Variants in KIF21A observed in about 807,000 individuals in gnomAD.
The protein encoded by KIF21A is kinesin family member 21A.
Under a neutral mutation model 202.9 loss-of-function variants are expected in KIF21A, and 114 were observed. That is an observed-to-expected ratio of 0.56 (90% CI 0.48 to 0.66). The LOEUF is 0.66. Ranked by LOEUF, KIF21A falls within the 30% of genes least tolerant of loss-of-function variation. The probability of loss-of-function intolerance (pLI) is 0.00; values close to 1 mark genes in which losing one functional copy is unlikely to be tolerated. For missense variants in KIF21A, 1,677 were observed against 1,994.9 expected, an observed-to-expected ratio of 0.84 and a Z score of 3.04; for synonymous variants, 667 against 670.8, an observed-to-expected ratio of 0.99 and a Z score of 0.09.
intron 37 of KIF21A, among the ~76,000 whole-genome samples, chr12:39,298,758 C>T (rs1216230691): frequency 6.6e-6 from 1 of 151,982 alleles, no homozygotes; most frequent in Non-Finnish European, 1.5e-5. Context: ...ACATGAAAAG[C>T]AGCAGAAGAA....
At chr12:39,324,763 C>T (rs1278499549) in intron 26 of KIF21A, among the ~76,000 whole-genome samples, 1 of 152,126 alleles carries the variant, frequency 6.6e-6, no homozygotes, top group Non-Finnish European at 1.5e-5. Context: ...AATGATGAAC[C>T]GTTCATTGTA....
At chr12:39,357,587 T>G (rs1274643353) in intron 8 of KIF21A, 150 bp from the exon 9 acceptor site, 1 of 699,044 alleles carries the variant, frequency 1.4e-6, no homozygotes, top group Admixed American at 2.1e-5. Flanking sequence ...TCACCTCTAG[T>G]AGAACACTCC....
chr12:39,405,061 A>C (rs1322198142), intron 1 of KIF21A, among the ~76,000 whole-genome samples: 1 of 152,176 alleles, frequency 6.6e-6, no homozygotes, highest in Non-Finnish European at 1.5e-5. Context: ...TGTGGTAAAA[A>C]TATACTTGAA....
In KIF21A at chr12:39,294,072, G is replaced by A. The variant is rs1177373972; in HGVS notation, c.*352C>T. On this transcript the variant is annotated 3_prime_UTR_variant, in exon 38 of 38. Coordinates refer to ENST00000361418, the MANE Select transcript of KIF21A (RefSeq NM_001173464.2). The stretch of plus-strand genomic sequence containing the variant: ...TACATGAATGAGTTAATGGTGGGCT[G>A]CATCGTATTCCAGGTGTGTTTTCTG... 1 of 241,214 alleles carries A rather than the reference G, an allele frequency of 4.1e-6. No individual in the cohort carries two copies. The highest frequency in any genetic ancestry group is 2.3e-5 in the African/African-American group (1 of 43,366). The allele number at this position is 241,214 out of a possible 1,614,324, so 14.9% of individuals were successfully genotyped here.
intron 1 of KIF21A, among the ~76,000 whole-genome samples, chr12:39,380,498 T>A (rs1950546418): frequency 6.6e-6 from 1 of 152,182 alleles, no homozygotes; most frequent in Non-Finnish European, 1.5e-5. Flanking sequence ...TGTTGGTCAA[T>A]CGAATGACTT....
chr12:39,294,529 T>C lies in KIF21A; in HGVS notation c.4932-12A>G, dbSNP rs1377145624. 2.5e-6 allele frequency: 4 copies of C among 1,594,882 alleles called. No homozygotes were observed. Among genetic ancestry groups the C allele is most frequent in the African/African-American group, 1.3e-5 (1 of 74,520 alleles). On this transcript the variant is annotated splice_polypyrimidine_tract_variant and intron_variant, in intron 37 of 37. Coordinates refer to ENST00000361418, the MANE Select transcript of KIF21A (RefSeq NM_001173464.2). ...TCACAGTTCGATCACTACAAAAAAA[T>C]AAACAAAACATGGATATATGAACAA...
intron 7 of KIF21A, among the ~76,000 whole-genome samples, chr12:39,359,265 C>T (rs1053525188): frequency 6.6e-6 from 1 of 152,184 alleles, no homozygotes; most frequent in Non-Finnish European, 1.5e-5. Flanking sequence ...CTTACTGTTA[C>T]TATTATTCAA....
chr12:39,357,566 A>C, intron 8 of KIF21A, 129 bp from the exon 9 acceptor site: 1 of 760,638 alleles, frequency 1.3e-6, no homozygotes, highest in Non-Finnish European at 2.3e-6. Flanking sequence ...CCCAAGGCAA[A>C]AGAAATCCTT....
intron 1 of KIF21A, among the ~76,000 whole-genome samples, chr12:39,432,687 T>C (rs561539050): frequency 5.8e-4 from 89 of 152,232 alleles, no homozygotes; most frequent in Non-Finnish European, 1.0e-3. Context: ...CTCAGCTCAC[T>C]GCAACCTCGG....
In KIF21A at chr12:39,315,209, C is replaced by T; in HGVS notation, c.3959+20G>A. 6.2e-7 allele frequency: 1 copy of T among 1,609,050 alleles called. No homozygotes were observed. Among genetic ancestry groups the T allele is most frequent in the Non-Finnish European group, 8.5e-7 (1 of 1,176,084 alleles). On this transcript the variant is annotated intron_variant, in intron 31 of 37. Transcript: ENST00000361418. The stretch of plus-strand genomic sequence containing the variant: ...TGATACTGGAAATGAAATTAATTTC[C>T]TCTCCCTTCCCCTGCCTACCTTCTG...
intron 1 of KIF21A, among the ~76,000 whole-genome samples, chr12:39,439,089 A>G (rs1475303477): frequency 6.6e-6 from 1 of 152,144 alleles, no homozygotes; most frequent in Non-Finnish European, 1.5e-5. Flanking sequence ...CAGAGGAAAA[A>G]AAGTGTTGCT....
chr12:39,429,374 C>CA (rs1215634776), intron 1 of KIF21A, among the ~76,000 whole-genome samples: 3 of 152,160 alleles, frequency 2.0e-5, no homozygotes. Context: ...TCCATTCTAT[C>CA]ATATAAATAC....
At chr12:39,308,474 C>G (rs1184070002) in intron 33 of KIF21A, among the ~76,000 whole-genome samples, 1 of 152,068 alleles carries the variant, frequency 6.6e-6, no homozygotes, top group African/African-American at 2.4e-5. Flanking sequence ...CCACTCCACC[C>G]AAGGGCCAGG....
intron 1 of KIF21A, among the ~76,000 whole-genome samples, chr12:39,397,134 T>C (rs547324749): frequency 7.8e-4 from 119 of 152,336 alleles, no homozygotes; most frequent in African/African-American, 2.8e-3. Context: ...ACTGCATCAA[T>C]GTACTAAATT....
At chr12:39,385,216 G>A (rs527974990) in intron 1 of KIF21A, among the ~76,000 whole-genome samples, 82 of 152,236 alleles carry the variant, frequency 5.4e-4, no homozygotes, top group African/African-American at 1.6e-3. Flanking sequence ...GAGACTGGTA[G>A]AATGAAGAAT....
At chr12:39,368,110 T>G in intron 3 of KIF21A, 78 bp from the exon 4 acceptor site, 1 of 864,896 alleles carries the variant, frequency 1.2e-6, no homozygotes, top group Non-Finnish European at 1.9e-6. Flanking sequence ...TACATAATGA[T>G]TCCTTCATAC....
chr12:39,315,974 T>A lies in KIF21A; in HGVS notation c.3909-4A>T, dbSNP rs898302858. ...AGAGGAGTCACTTTCATCAGACCTA[T>A]AGTGAAAGAGTTAGAATTATGAGAG... On this transcript the variant is annotated splice_polypyrimidine_tract_variant and splice_region_variant and intron_variant, in intron 29 of 37. Transcript: ENST00000361418. 6.3e-7 allele frequency: 1 copy of A among 1,595,528 alleles called. No homozygotes were observed. The highest frequency in any genetic ancestry group is 1.1e-5 in the South Asian group (1 of 90,658).
At chr12:39,403,393 T>C (rs1952328480) in intron 1 of KIF21A, among the ~76,000 whole-genome samples, 1 of 152,246 alleles carries the variant, frequency 6.6e-6, no homozygotes, top group African/African-American at 2.4e-5. Context: ...GATACATTTG[T>C]ATATACATGT....
chr12:39,326,298 C>G lies in KIF21A; in HGVS notation c.3367G>C (p.Asp1123His). The G allele has an allele frequency of 6.2e-7, 1 of 1,612,232 alleles. No homozygotes were observed. The highest frequency in any genetic ancestry group is 8.5e-7 in the Non-Finnish European group (1 of 1,178,550). The change falls in exon 25 of 38, where the codon GAT becomes CAT. Residue 1123 changes from aspartate to histidine, a missense_variant. Physicochemically the swap from Asp to His is moderately conservative, Grantham distance 81. This residue lies in a region of KIF21A where 705 missense variants were observed against 791.9 expected (regional missense o/e 0.89). Coordinates refer to ENST00000361418, the MANE Select transcript of KIF21A (RefSeq NM_001173464.2). ...LENVEDSTDE[D>H]APLNSPGSEG... ...GATCCTGGGCTGTTTAAAGGAGCAT[C>G]CTCATCAGTACTATCCTCTACATTT...
Sources: allele counts gnomAD v4.1 joint callset (sites outside exome capture counted in the v4.1 genomes callset), GRCh38; gene constraint gnomAD v4.1.1; regional missense constraint gnomAD v4.1.1; transcripts MANE v1.5; gene names NCBI Gene and HGNC (gene_info 2026-07-23, HGNC 2026-07-21).